Variants in DENND1A observed in about 807,000 individuals in gnomAD.
DENND1A encodes DENN domain containing 1A.
DENND1A carries 51 observed loss-of-function variants against 113.7 expected under a neutral mutation model. The ratio of observed to expected loss-of-function variants is 0.45; its 90% CI spans 0.36 to 0.57. The LOEUF (loss-of-function observed/expected upper bound fraction) is 0.57. DENND1A is among the 20% of genes least tolerant of loss of function. The pLI, the probability that DENND1A is intolerant of heterozygous loss-of-function variation, is 0.00. For missense variants in DENND1A, 1,258 were observed against 1,395.9 expected (o/e 0.90, Z 1.57); for synonymous variants, 565 against 570.8 (o/e 0.99, Z 0.14).
intron 9 of DENND1A, among the ~76,000 whole-genome samples, chr9:123,637,917 ACACACACACACACACG>A (rs1379719832): frequency 1.3e-5 from 1 of 74,196 alleles, no homozygotes; most frequent in Non-Finnish European, 2.5e-5. Context: ...ATAAACACAC[ACACACACACACACACG>A]CACACACACA....
intron 2 of DENND1A, among the ~76,000 whole-genome samples, chr9:123,856,650 G>A (rs1844255651): frequency 6.6e-6 from 1 of 152,028 alleles, no homozygotes; most frequent in Non-Finnish European, 1.5e-5. Flanking sequence ...CCATGCACGG[G>A]GTGTCAAAAT....
At chr9:123,845,670 CAAAAAAAAAA>C (rs555731367) in intron 2 of DENND1A, among the ~76,000 whole-genome samples, 28 of 44,092 alleles carry the variant, frequency 6.4e-4, no homozygotes, top group African/African-American at 1.5e-3. Context: ...AACCTGTCTC[CAAAAAAAAAA>C]AAAAAAAAAA....
At chr9:123,890,516 C>T (rs558408730) in intron 1 of DENND1A, among the ~76,000 whole-genome samples, 15 of 152,336 alleles carry the variant, frequency 9.8e-5, no homozygotes, top group African/African-American at 2.6e-4. Flanking sequence ...TCCATTACCC[C>T]ATCTAAGAAG....
At chr9:123,877,652 G>A (rs1038355659) in intron 2 of DENND1A, among the ~76,000 whole-genome samples, 1 of 151,732 alleles carries the variant, frequency 6.6e-6, no homozygotes, top group African/African-American at 2.4e-5. Flanking sequence ...GGTGAAACCT[G>A]TCTTTACTAA....
chr9:123,463,340 C>A (rs908741242), intron 13 of DENND1A, among the ~76,000 whole-genome samples: 7 of 152,118 alleles, frequency 4.6e-5, no homozygotes, highest in African/African-American at 1.7e-4. Context: ...TAAGTTGAAT[C>A]CTTGTTAACA....
chr9:123,649,620 T>TGTA (rs2062536539), intron 9 of DENND1A, among the ~76,000 whole-genome samples: 2 of 152,248 alleles, frequency 1.3e-5, no homozygotes, highest in Non-Finnish European at 2.9e-5. Flanking sequence ...TTAAATAACC[T>TGTA]ATTTAATTTT....
At position 123,401,767 on chromosome 9, in the gene DENND1A, G is replaced by A. The variant is rs982279550; in HGVS notation, c.1631+1635C>T. 15 of 1,613,420 alleles carry A rather than the reference G, an allele frequency of 9.3e-6. No homozygotes were observed. In the African/African-American group the frequency reaches 9.3e-5, roughly 10 times the overall value. On this transcript the variant is annotated intron_variant, in intron 21 of 23. Coordinates refer to ENST00000394215, the MANE Select transcript of DENND1A (RefSeq NM_001352964.2). The stretch of plus-strand genomic sequence containing the variant: ...ACACCGGCTCTTTGGCACACACTGC[G>A]AAGTCAGCCCCTCTGCCCAGTCTGG...
At chr9:123,637,727 T>C (rs893383038) in intron 9 of DENND1A, among the ~76,000 whole-genome samples, 1 of 152,174 alleles carries the variant, frequency 6.6e-6, no homozygotes, top group Non-Finnish European at 1.5e-5. Context: ...TCTAGACAGA[T>C]GCCGGACATG....
intron 3 of DENND1A, among the ~76,000 whole-genome samples, chr9:123,780,660 G>C (rs573059941): frequency 6.6e-6 from 1 of 152,292 alleles, no homozygotes; most frequent in East Asian, 1.9e-4. Flanking sequence ...TCACATTTTT[G>C]TCAAAGGTTT....
chr9:123,929,828 C>T, intron 1 of DENND1A, 61 bp downstream of exon 1: 1 of 216,852 alleles, frequency 4.6e-6, no homozygotes, highest in Admixed American at 6.0e-5. Context: ...CGGCCTGCAG[C>T]CCTGGCCCGG....
intron 3 of DENND1A, among the ~76,000 whole-genome samples, chr9:123,790,649 G>A (rs905603765): frequency 2.0e-5 from 3 of 152,076 alleles, no homozygotes; most frequent in African/African-American, 7.2e-5. Context: ...TGAAATACTT[G>A]TAAGACCATC....
At chr9:123,912,099 A>G (rs542260421) in intron 1 of DENND1A, among the ~76,000 whole-genome samples, 67 of 152,188 alleles carry the variant, frequency 4.4e-4, no homozygotes, top group Non-Finnish European at 8.5e-4. Flanking sequence ...CGAGTATATA[A>G]CCATTAAAAA....
chr9:123,818,100 T>C (rs1252886716), intron 2 of DENND1A, among the ~76,000 whole-genome samples: 4 of 151,986 alleles, frequency 2.6e-5, no homozygotes, highest in Non-Finnish European at 1.5e-5. Context: ...TATAGTATTG[T>C]TTTTCGTTTT....
At chr9:123,625,397 G>A (rs2061160317) in intron 10 of DENND1A, among the ~76,000 whole-genome samples, 4 of 152,228 alleles carry the variant, frequency 2.6e-5, no homozygotes. Flanking sequence ...AATGTAAGCT[G>A]CCTGTTTTAA....
chr9:123,779,871 A>ATTTTTTTTTTTTTTTTT (rs1554752627), intron 3 of DENND1A, among the ~76,000 whole-genome samples: 5 of 104,026 alleles, frequency 4.8e-5, no homozygotes, highest in African/African-American at 2.1e-4. Flanking sequence ...CTTGCATGAG[A>ATTTTTTTTTTTTTTTTT]CTTTTTTTTG....
At chr9:123,509,997 C>A (rs191520980) in intron 13 of DENND1A, among the ~76,000 whole-genome samples, 14 of 152,350 alleles carry the variant, frequency 9.2e-5, no homozygotes, top group Non-Finnish European at 1.8e-4. Flanking sequence ...CATGCCTTGT[C>A]ATTCCTCTCC....
chr9:123,440,287 C>T, intron 19 of DENND1A, 73 bp downstream of exon 19: 2 of 1,485,658 alleles, frequency 1.3e-6, no homozygotes, highest in Non-Finnish European at 1.8e-6. Flanking sequence ...CCGTCTGCTG[C>T]ATGTGCTACT....
intron 2 of DENND1A, among the ~76,000 whole-genome samples, chr9:123,812,924 G>C (rs1836864435): frequency 6.6e-6 from 1 of 152,088 alleles, no homozygotes; most frequent in South Asian, 2.1e-4. Context: ...CAAATCAAGA[G>C]TCAAGTCTTT....
At chr9:123,566,928 CACACACACACACAA>C (rs1005028219) in intron 12 of DENND1A, among the ~76,000 whole-genome samples, 4 of 151,808 alleles carry the variant, frequency 2.6e-5, no homozygotes, top group Admixed American at 2.6e-4. Flanking sequence ...CACACACACA[CACACACACACACAA>C]ACACACACAC....
Sources: allele counts gnomAD v4.1 joint callset (sites outside exome capture counted in the v4.1 genomes callset), GRCh38; gene constraint gnomAD v4.1.1; transcripts MANE v1.5; gene names NCBI Gene and HGNC (gene_info 2026-07-23, HGNC 2026-07-21).